The following IGSF21 variants were observed in gnomAD, a reference collection of about 807,000 sequenced individuals.
IGSF21 encodes the protein immunoglobin superfamily member 21.
IGSF21 carries 28 observed loss-of-function variants against 46.8 expected under a neutral mutation model. The observed-to-expected ratio is 0.60, with a 90% CI of 0.44 to 0.82. The LOEUF (loss-of-function observed/expected upper bound fraction) is 0.82, where lower values mean the gene tolerates loss of function less well. IGSF21 is among the 40% of genes least tolerant of loss of function. The pLI is 0.00. For missense variants in IGSF21, 624 were observed against 665.5 expected, an observed-to-expected ratio of 0.94 and a Z score of 0.69; for synonymous variants, 284 against 273.6, an observed-to-expected ratio of 1.04 and a Z score of -0.38.
chr1:18,179,373 A>C (rs893232448), intron 1 of IGSF21: 1 of 152,178 alleles, frequency 6.6e-6, no homozygotes, highest in Admixed American at 6.5e-5. Flanking sequence ...GTCCCAGCCC[A>C]GCCTGGCCCC....
At chr1:18,302,873 G>A (rs926013083) in intron 3 of IGSF21, among the ~76,000 whole-genome samples, 10 of 152,184 alleles carry the variant, frequency 6.6e-5, no homozygotes, top group Non-Finnish European at 1.3e-4. Context: ...CTGCCACTGA[G>A]TTCTCTACCT....
At chr1:18,348,090 G>A (rs74611605) in intron 4 of IGSF21, among the ~76,000 whole-genome samples, 479 of 152,236 alleles carry the variant, frequency 3.1e-3, no homozygotes, top group African/African-American at 0.011. Flanking sequence ...TTAGGAGATG[G>A]GTATTTCTAG....
intron 2 of IGSF21, chr1:18,278,846 G>A (rs1027977796): frequency 2.1e-6 from 1 of 471,446 alleles, no homozygotes; most frequent in Admixed American, 2.3e-5. Flanking sequence ...ACGAGCCACT[G>A]CACCCAGCCC....
At chr1:18,119,474 C>G (rs1305780382) in intron 1 of IGSF21, among the ~76,000 whole-genome samples, 1 of 152,246 alleles carries the variant, frequency 6.6e-6, no homozygotes, top group African/African-American at 2.4e-5. Context: ...GGACAGTGCA[C>G]TTCCAAAAGC....
intron 1 of IGSF21, among the ~76,000 whole-genome samples, chr1:18,139,755 G>A (rs965204376): frequency 6.6e-6 from 1 of 152,108 alleles, no homozygotes; most frequent in Non-Finnish European, 1.5e-5. Flanking sequence ...GTGCCTGGCT[G>A]TACTCTCTGT....
At chr1:18,306,100 C>T (rs566300574) in intron 3 of IGSF21, among the ~76,000 whole-genome samples, 20 of 152,286 alleles carry the variant, frequency 1.3e-4, no homozygotes, top group Non-Finnish European at 2.6e-4. Context: ...CTGCTTGAAG[C>T]CCTCCATGGG....
intron 2 of IGSF21, among the ~76,000 whole-genome samples, chr1:18,242,498 A>G (rs1439923726): frequency 1.3e-5 from 2 of 152,210 alleles, no homozygotes; most frequent in African/African-American, 2.4e-5. Flanking sequence ...AGAGTAACTC[A>G]AATGAGTCTA....
chr1:18,299,613 G>C lies in IGSF21; in HGVS notation c.305+7626G>C, dbSNP rs78987899. Among the ~76,000 whole-genome samples the C allele has an allele frequency of 2.9e-3, 441 of 152,202 alleles. 6 individuals are homozygous for C. Among genetic ancestry groups the C allele is most frequent in the African/African-American group, 0.01 (421 of 41,522 alleles). On this transcript the variant is annotated intron_variant, in intron 3 of 9. Coordinates refer to ENST00000251296, the MANE Select transcript of IGSF21 (RefSeq NM_032880.5). ...CAGCAAACACACGTTGTTGTTGCCA[G>C]GCACTCAGCAACAACAAACACAGGC...
At chr1:18,368,632 C>T (rs900645759) in intron 6 of IGSF21, among the ~76,000 whole-genome samples, 4 of 152,126 alleles carry the variant, frequency 2.6e-5, no homozygotes, top group African/African-American at 7.2e-5. Flanking sequence ...CTTGGTCCTC[C>T]TGCTTTTCCA....
intron 1 of IGSF21, among the ~76,000 whole-genome samples, chr1:18,156,809 A>G (rs977951442): frequency 6.6e-6 from 1 of 152,180 alleles, no homozygotes; most frequent in Non-Finnish European, 1.5e-5. Context: ...GCTGGAAGTG[A>G]GAGCGGACAG....
intron 1 of IGSF21, among the ~76,000 whole-genome samples, chr1:18,118,427 T>G (rs1303301085): frequency 6.6e-6 from 1 of 152,204 alleles, no homozygotes; most frequent in Admixed American, 6.5e-5. Flanking sequence ...TGTGGCATCT[T>G]GAGCTGGTGC....
chr1:18,215,022 G>A (rs1436987957), intron 1 of IGSF21, among the ~76,000 whole-genome samples: 1 of 152,184 alleles, frequency 6.6e-6, no homozygotes, highest in Non-Finnish European at 1.5e-5. Context: ...TTACAGGCGT[G>A]AGCCACTGCG....
chr1:18,366,155 G>A (rs1023760713), intron 6 of IGSF21, among the ~76,000 whole-genome samples: 1 of 152,262 alleles, frequency 6.6e-6, no homozygotes, highest in South Asian at 2.1e-4. Flanking sequence ...TGAGAGGTCA[G>A]GGAGTTTGTA....
intron 4 of IGSF21, among the ~76,000 whole-genome samples, chr1:18,355,829 C>CTTTTTTTT (rs61589417): frequency 1.1e-5 from 1 of 88,966 alleles, no homozygotes; most frequent in African/African-American, 4.4e-5. Flanking sequence ...TGTCTAGACT[C>CTTTTTTTT]TTTTTTTTTT....
chr1:18,275,315 C>A (rs888871891), intron 2 of IGSF21, among the ~76,000 whole-genome samples: 7 of 152,202 alleles, frequency 4.6e-5, no homozygotes, highest in Admixed American at 4.6e-4. Context: ...GTCTCCAATC[C>A]CCAAGCCAAA....
chr1:18,227,073 G>T (rs1028146278), intron 1 of IGSF21, among the ~76,000 whole-genome samples: 1 of 152,238 alleles, frequency 6.6e-6, no homozygotes, highest in African/African-American at 2.4e-5. Flanking sequence ...GCTGGTAGTA[G>T]TCCGGGAAGC....
chr1:18,206,228 G>A (rs2355653), intron 1 of IGSF21, among the ~76,000 whole-genome samples: 128,752 of 152,200 alleles, frequency 0.85, 54,643 homozygotes, highest in Non-Finnish European at 0.88. Flanking sequence ...CAAAGTGAAC[G>A]AGCAAGCCAT....
rs147267104 is a variant in IGSF21 at position 18,148,053 on chromosome 1, A to T, written c.70+39855A>T. Among the ~76,000 whole-genome samples the T allele has an allele frequency of 1.9e-3, 289 of 151,082 alleles. 3 individuals carry two copies. The highest frequency in any genetic ancestry group is 6.4e-3 in the African/African-American group (262 of 41,160). On this transcript the variant is annotated intron_variant, in intron 1 of 9. Transcript: ENST00000251296. ...TCCTTCATCTTTCGCCATGATTGTG[A>T]GGCCTCCCCAGCCCTGTGGAACTGT...
intron 1 of IGSF21, among the ~76,000 whole-genome samples, chr1:18,189,083 T>C (rs1263664855): frequency 2.0e-5 from 3 of 152,132 alleles, no homozygotes; most frequent in Non-Finnish European, 2.9e-5. Context: ...GGGAGGCCCT[T>C]CCCCACACTT....
Sources: gnomAD v4.1 joint callset for allele counts (sites outside exome capture counted in the v4.1 genomes callset) on GRCh38, gnomAD v4.1.1 for gene constraint, MANE v1.5 for transcripts, NCBI Gene and HGNC (gene_info 2026-07-23, HGNC 2026-07-21) for gene names.